ANKFN1: variants seen among roughly 807,000 people sequenced by gnomAD.
ANKFN1 encodes ankyrin repeat and fibronectin type III domain containing 1, also known as ankyrin repeat and fibronectin type-III domain-containing protein 1.
ANKFN1 carries 74 observed loss-of-function variants against 108.7 expected under a neutral mutation model. The ratio of observed to expected loss-of-function variants is 0.68; its 90% CI spans 0.56 to 0.83. The LOEUF (loss-of-function observed/expected upper bound fraction) is 0.83. Ranked by LOEUF, ANKFN1 falls within the 40% of genes least tolerant of loss-of-function variation. The pLI is 0.00. For missense variants in ANKFN1, 1,505 were observed against 1,382.3 expected, an observed-to-expected ratio of 1.09 and a Z score of -1.41; for synonymous variants, 547 against 516.2, an observed-to-expected ratio of 1.06 and a Z score of -0.81.
intron 3 of ANKFN1, among the ~76,000 whole-genome samples, chr17:56,281,218 G>A (rs980991190): frequency 2.6e-5 from 4 of 151,124 alleles, no homozygotes; most frequent in Admixed American, 2.6e-4. Flanking sequence ...CAGATGAGTA[G>A]GCCAATAGAG....
intron 4 of ANKFN1, among the ~76,000 whole-genome samples, chr17:56,047,678 C>T (rs571633144): frequency 6.6e-6 from 1 of 152,258 alleles, no homozygotes; most frequent in Non-Finnish European, 1.5e-5. Context: ...CTCCCTGCCC[C>T]CACCATGACA....
Position 56,379,446 on chromosome 17 carries a change from G to A in ANKFN1, c.910+4732G>A, listed in dbSNP as rs145200045. ...AAAGTCCTTCACCCTTCTTCCAGTC[G>A]TATTCATACCTCAAACTCTATAGTG... On this transcript the variant is annotated intron_variant, in intron 8 of 20. Transcript: ENST00000682825. 2.6e-3 allele frequency among the ~76,000 whole-genome samples: 391 copies of A among 151,086 alleles called. 3 individuals are homozygous for A. Among genetic ancestry groups the A allele is most frequent in the African/African-American group, 9.1e-3 (376 of 41,210 alleles).
intron 1 of ANKFN1, among the ~76,000 whole-genome samples, chr17:56,196,205 A>T (rs966924967): frequency 6.6e-6 from 1 of 152,186 alleles, no homozygotes; most frequent in Non-Finnish European, 1.5e-5. Flanking sequence ...GCAGTTATCC[A>T]TGATTGCACC....
chr17:56,290,558 G>T (rs2044333337), intron 3 of ANKFN1, among the ~76,000 whole-genome samples: 1 of 152,042 alleles, frequency 6.6e-6, no homozygotes, highest in South Asian at 2.1e-4. Flanking sequence ...CATTTGAGTT[G>T]CAGCCAGGGC....
chr17:56,130,594 TC>T (rs1369789566), intron 4 of ANKFN1, among the ~76,000 whole-genome samples: 2 of 152,124 alleles, frequency 1.3e-5, no homozygotes, highest in Non-Finnish European at 2.9e-5. Flanking sequence ...GCATTTTGTT[TC>T]TTTATTGACT....
chr17:56,244,181 A>G (rs1162325349), intron 3 of ANKFN1, among the ~76,000 whole-genome samples: 1 of 152,168 alleles, frequency 6.6e-6, no homozygotes, highest in Non-Finnish European at 1.5e-5. Context: ...TGTAAACTTC[A>G]ATACATTAAT....
intron 8 of ANKFN1, among the ~76,000 whole-genome samples, chr17:56,391,193 G>A (rs1414046206): frequency 7.0e-6 from 1 of 142,746 alleles, no homozygotes; most frequent in Non-Finnish European, 1.5e-5. Context: ...AGTCTTTGCA[G>A]GGTGAAGGCC....
chr17:56,409,776 AG>A, intron 8 of ANKFN1, among the ~76,000 whole-genome samples: 1 of 152,288 alleles, frequency 6.6e-6, no homozygotes, highest in East Asian at 1.9e-4. Flanking sequence ...AGGGAAAAAC[AG>A]GTACTATTTT....
chr17:56,442,870 G>A lies in ANKFN1; in HGVS notation c.1036G>A (p.Ala346Thr). Residue 346 changes from alanine (A) to threonine (T), a missense_variant, in exon 10 of 21, where the codon GCT becomes ACT. Coordinates refer to ENST00000682825, the MANE Select transcript of ANKFN1 (RefSeq NM_001370326.1). ...MGQQYFVQVSAYNMKGWGPAQ... is the reference protein window; with the variant it reads ...MGQQYFVQVSTYNMKGWGPAQ... ...CCAACAGTATTTTGTTCAAGTCTCG[G>A]CTTACAATATGAAAGGATGGGGACC... 1.2e-6 allele frequency: 2 copies of A among 1,613,710 alleles called. No individual in the cohort carries two copies. Among genetic ancestry groups the A allele is most frequent in the Non-Finnish European group, 1.7e-6 (2 of 1,179,716 alleles).
intron 1 of ANKFN1, among the ~76,000 whole-genome samples, chr17:56,179,572 G>A (rs983258948): frequency 1.3e-5 from 2 of 152,174 alleles, no homozygotes; most frequent in Admixed American, 6.5e-5. Context: ...CCCCTAGCTC[G>A]GGCTGGGAAA....
At chr17:56,167,234 GAT>G (rs1491154549) in intron 1 of ANKFN1, among the ~76,000 whole-genome samples, 3 of 142,722 alleles carry the variant, frequency 2.1e-5, no homozygotes, top group African/African-American at 5.2e-5. Flanking sequence ...TGTGTGCATA[GAT>G]GTGTGTGTAT....
At position 56,170,774 on chromosome 17, in the gene ANKFN1, T is replaced by TATATATATATA. The variant is rs1555604530; in HGVS notation, c.-71+17244_-71+17245insATATATATATA. ...TGAGACTCTGTCAAGAAAAAATTTT[T>TATATATATATA]TATATATATATATATATATATATAT... On this transcript the variant is annotated intron_variant, in intron 1 of 20. Coordinates refer to ENST00000682825, the MANE Select transcript of ANKFN1 (RefSeq NM_001370326.1). Among the ~76,000 whole-genome samples the TATATATATATA allele has an allele frequency of 4.3e-3, 291 of 68,014 alleles. 3 individuals are homozygous for TATATATATATA. The highest frequency in any genetic ancestry group is 0.011 in the African/African-American group (130 of 12,294). The allele number at this position is 68,014 out of a possible 152,430, so 44.6% of individuals were successfully genotyped here. A position where few individuals can be genotyped will look rare whatever the true frequency, so the allele number is the denominator to read the frequency against.
chr17:56,306,834 A>G (rs1003741544), intron 3 of ANKFN1, among the ~76,000 whole-genome samples: 5 of 152,212 alleles, frequency 3.3e-5, no homozygotes, highest in Non-Finnish European at 5.9e-5. Context: ...ACTATACTAC[A>G]AGGCTACAGT....
intron 8 of ANKFN1, among the ~76,000 whole-genome samples, chr17:56,439,004 G>C (rs1444087092): frequency 6.6e-6 from 1 of 152,088 alleles, no homozygotes; most frequent in African/African-American, 2.4e-5. Flanking sequence ...CCGGGGGAGG[G>C]GAATGGTTGC....
chr17:56,471,760 T>A (rs1460118730), intron 15 of ANKFN1: 2 of 152,150 alleles, frequency 1.3e-5, no homozygotes, highest in Admixed American at 6.5e-5. Context: ...ACCTTGAAAA[T>A]GTAATGCTGA....
intron 4 of ANKFN1, among the ~76,000 whole-genome samples, chr17:56,345,294 G>C (rs1406988578): frequency 1.3e-5 from 2 of 152,108 alleles, no homozygotes; most frequent in Admixed American, 6.6e-5. Context: ...GCCTATCATT[G>C]ATGGGCATTT....
chr17:56,343,135 G>C (rs576010398), intron 4 of ANKFN1, among the ~76,000 whole-genome samples: 93 of 151,956 alleles, frequency 6.1e-4, no homozygotes, highest in Middle Eastern at 3.4e-3. Context: ...GCTTTTTTCT[G>C]TTTTCCATTT....
At chr17:56,479,370 A>G (rs538844021) in intron 16 of ANKFN1, among the ~76,000 whole-genome samples, 1 of 152,210 alleles carries the variant, frequency 6.6e-6, no homozygotes, top group Non-Finnish European at 1.5e-5. Context: ...TGCATATGCT[A>G]GTCACAAAAC....
At chr17:56,277,466 C>T (rs1216588772) in intron 3 of ANKFN1, among the ~76,000 whole-genome samples, 1 of 151,966 alleles carries the variant, frequency 6.6e-6, no homozygotes, top group African/African-American at 2.4e-5. Context: ...AATCACTCTC[C>T]TGTATTGAGT....
Sources: allele counts gnomAD v4.1 joint callset (sites outside exome capture counted in the v4.1 genomes callset), GRCh38; gene constraint gnomAD v4.1.1; transcripts MANE v1.5; gene names NCBI Gene and HGNC (gene_info 2026-07-23, HGNC 2026-07-21).